UROD: variants seen among roughly 807,000 people sequenced by gnomAD.
UROD encodes uroporphyrinogen III decarboxylase.
Under a neutral mutation model 47.1 loss-of-function variants are expected in UROD, and 34 were observed. That is an observed-to-expected ratio of 0.72 (90% CI 0.55 to 0.96). UROD has a LOEUF of 0.96. Ranked by LOEUF, UROD falls within the 40% of genes least tolerant of loss-of-function variation. UROD has a pLI of 0.00. For synonymous variants in UROD, 148 were observed against 175.8 expected, an observed-to-expected ratio of 0.84 and a Z score of 1.25; for missense variants, 381 against 471.8, an observed-to-expected ratio of 0.81 and a Z score of 1.78.
At chr1:45,014,294 ATT>A (rs57055690) in intron 6 of UROD, 143 bp from the exon 7 acceptor site, 220 of 1,066,434 alleles carry the variant, frequency 2.1e-4, no homozygotes, top group African/African-American at 9.0e-4. Context: ...AGGAAAGTAA[ATT>A]TTTTTTTTTT....
rs1644835585 is a variant in UROD at position 45,014,811 on chromosome 1, T to C, written c.850T>C (p.Trp284Arg). 1 of 1,614,086 alleles carries C rather than the reference T, an allele frequency of 6.2e-7. No homozygotes were observed. The highest frequency in any genetic ancestry group is 8.5e-7 in the Non-Finnish European group (1 of 1,180,038). Residue 284 changes from tryptophan to arginine, a missense_variant, in exon 8 of 10, where the codon TGG becomes CGG. Trp to Arg is a moderately radical substitution (Grantham distance 101). Transcript: ENST00000246337. ...TGGCTATGAGGTGGTTGGGCTTGAC[T>C]GGACAGTGGCCCCAAAGAAAGCCCG... is the stretch of plus-strand genomic sequence containing the variant. ...QAGYEVVGLD[W>R]TVAPKKAREC...
chr1:45,015,033 C>T (rs748432502), intron 9 of UROD, 27 bp downstream of exon 9: 2 of 1,612,680 alleles, frequency 1.2e-6, no homozygotes, highest in Admixed American at 3.3e-5. Flanking sequence ...CTCTGTGTGT[C>T]TGTTACTGTG....
In UROD at chr1:45,013,240, A is replaced by T; in HGVS notation, c.213+25A>T. 1.2e-6 allele frequency: 2 copies of T among 1,614,176 alleles called. No individual in the cohort carries two copies. The highest frequency in any genetic ancestry group is 8.5e-7 in the Non-Finnish European group (1 of 1,180,028). The stretch of plus-strand genomic sequence containing the variant: ...GGTGAGGGGTCCACAAAAGAGGGAA[A>T]GATTTATGCCTTCAGTCTGCCACCT... On this transcript the variant is annotated intron_variant, in intron 3 of 9. Coordinates refer to ENST00000246337, the MANE Select transcript of UROD (RefSeq NM_000374.5). The surrounding 1 kb of genome is among the most constrained non-coding windows in gnomAD (Gnocchi z 4.2).
chr1:45,014,236 G>A, intron 6 of UROD, 166 bp downstream of exon 6: 2 of 1,284,280 alleles, frequency 1.6e-6, no homozygotes, highest in East Asian at 4.7e-5. Flanking sequence ...CTGACAGTGG[G>A]GCTTAATGCT....
At position 45,013,899 on chromosome 1, in the gene UROD, CCTT is replaced by C. The variant is rs761309390; in HGVS notation, c.475-7_475-5del. The C allele has an allele frequency of 1.1e-5, 17 of 1,614,092 alleles. No homozygotes were observed. In the African/African-American group the frequency reaches 1.1e-4, roughly 10 times the overall value. ...GGCTTCTGTGACACCATCTTTCTAT[CCTT>C]CTCTAGTGGACCCTGATGACATACA... On this transcript the variant is annotated splice_region_variant and splice_polypyrimidine_tract_variant and intron_variant, in intron 5 of 9. Transcript: ENST00000246337. The surrounding 1 kb of genome is among the most constrained non-coding windows in gnomAD (Gnocchi z 4.2).
At position 45,012,946 on chromosome 1, in the gene UROD, G is replaced by A; in HGVS notation, c.60G>A (p.Leu20=). 1 of 1,613,328 alleles carries A rather than the reference G, an allele frequency of 6.2e-7. No individual in the cohort carries two copies. Among genetic ancestry groups the A allele is most frequent in the South Asian group, 1.1e-5 (1 of 91,060 alleles). The change falls in exon 2 of 10, where the codon CTG becomes CTA. Residue 20 remains leucine (L), a synonymous_variant. Coordinates refer to ENST00000246337, the MANE Select transcript of UROD (RefSeq NM_000374.5). ...CGGAGCTGAAGAATGACACATTCCT[G>A]CGAGCAGCCTGGGGAGAGGAAACAG... is the stretch of plus-strand genomic sequence containing the variant. ...GFPELKNDTF[L]RAAWGEETDY...
At position 45,013,194 on chromosome 1, in the gene UROD, C is replaced by T. The variant is rs750512149; in HGVS notation, c.192C>T (p.Ala64=). 2 of 1,614,202 alleles carry T rather than the reference C, an allele frequency of 1.2e-6. No individual in the cohort carries two copies. Among genetic ancestry groups the T allele is most frequent in the Non-Finnish European group, 1.7e-6 (2 of 1,180,046 alleles). ...DFFSTCRSPE[A]CCELTLQPLR... ...TCAGCACGTGTCGCTCTCCTGAGGC[C>T]TGCTGTGAACTGACTCTGCAGGTGA... Residue 64 remains alanine, a synonymous_variant, in exon 3 of 10, where the codon GCC becomes GCT. Transcript: ENST00000246337. The surrounding 1 kb of genome is among the most constrained non-coding windows in gnomAD (Gnocchi z 4.2).
In UROD at chr1:45,013,412, A is replaced by G. The variant is rs759658963; in HGVS notation, c.276+58A>G. On this transcript the variant is annotated intron_variant, in intron 4 of 9. Coordinates refer to ENST00000246337, the MANE Select transcript of UROD (RefSeq NM_000374.5). This position sits in a 1 kb window ranked among gnomAD's most constrained non-coding sequence, Gnocchi z 4.2. ...CCAAGGACGCCTTGAAAATCCTTCTATCAGTCCAGTCAAGGTTTACAATAA... is the reference window on the plus strand; with the variant it reads ...CCAAGGACGCCTTGAAAATCCTTCTGTCAGTCCAGTCAAGGTTTACAATAA... 6.8e-6 allele frequency: 11 copies of G among 1,612,196 alleles called. No individual in the cohort carries two copies. Among genetic ancestry groups the G allele is most frequent in the African/African-American group, 6.7e-5 (5 of 74,900 alleles).
intron 7 of UROD, 22 bp downstream of exon 7, chr1:45,014,598 G>A: frequency 6.2e-7 from 1 of 1,614,126 alleles, no homozygotes; most frequent in Non-Finnish European, 8.5e-7. Context: ...GATGGGTTGA[G>A]TGAAGGTGGT....
In UROD at chr1:45,014,837, G is replaced by A; in HGVS notation, c.875+1G>A. Reference sequence around the variant, plus strand: ...GGACAGTGGCCCCAAAGAAAGCCCGGTAAGCCATGGAAGGGTGAGGCCTTG... The same window carrying A: ...GGACAGTGGCCCCAAAGAAAGCCCGATAAGCCATGGAAGGGTGAGGCCTTG... On this transcript the variant is annotated splice_donor_variant, in intron 8 of 9. Coordinates refer to ENST00000246337, the MANE Select transcript of UROD (RefSeq NM_000374.5). LOFTEE classifies it high-confidence loss of function. The A allele has an allele frequency of 1.2e-6, 2 of 1,614,240 alleles. No individual in the cohort carries two copies. Among genetic ancestry groups the A allele is most frequent in the South Asian group, 1.1e-5 (1 of 91,090 alleles).
chr1:45,013,961 A>G lies in UROD; in HGVS notation c.527A>G (p.Gln176Arg). 3 of 1,614,260 alleles carry G rather than the reference A, an allele frequency of 1.9e-6. No individual in the cohort carries two copies. Among genetic ancestry groups the G allele is most frequent in the Non-Finnish European group, 2.5e-6 (3 of 1,180,048 alleles). Residue 176 changes from glutamine to arginine, a missense_variant, in exon 6 of 10, where the codon CAG becomes CGG. Transcript: ENST00000246337. This position sits in a 1 kb window ranked among gnomAD's most constrained non-coding sequence, Gnocchi z 4.2. ...VEGGGSSTMAQAKRWLYQRPQ... is the reference protein window; with the variant it reads ...VEGGGSSTMARAKRWLYQRPQ... ...GGTGGTGGCTCAAGCACCATGGCTC[A>G]GGCCAAGCGCTGGCTCTATCAGAGA... is the stretch of plus-strand genomic sequence containing the variant.
At chr1:45,014,256 C>G in intron 6 of UROD, 183 bp from the exon 7 acceptor site, 1 of 1,295,188 alleles carries the variant, frequency 7.7e-7, no homozygotes, top group Non-Finnish European at 1.1e-6. Flanking sequence ...TCTAAGTATT[C>G]AGACACCAAA....
chr1:45,013,879 C>T lies in UROD; in HGVS notation c.475-30C>T. ...ACAAAAGGAAGGGTCAGTCTGGCTT[C>T]TGTGACACCATCTTTCTATCCTTCT... On this transcript the variant is annotated intron_variant, in intron 5 of 9. Transcript: ENST00000246337. This position sits in a 1 kb window ranked among gnomAD's most constrained non-coding sequence, Gnocchi z 4.2. The T allele has an allele frequency of 1.2e-6, 2 of 1,614,226 alleles. No homozygotes were observed. Among genetic ancestry groups the T allele is most frequent in the Non-Finnish European group, 1.7e-6 (2 of 1,180,048 alleles).
rs910781466 is a variant in UROD at position 45,013,518 on chromosome 1, C to T, written c.277-76C>T. 1 of 1,608,864 alleles carries T rather than the reference C, an allele frequency of 6.2e-7. No individual in the cohort carries two copies. On this transcript the variant is annotated intron_variant, in intron 4 of 9. Coordinates refer to ENST00000246337, the MANE Select transcript of UROD (RefSeq NM_000374.5). The surrounding 1 kb of genome is among the most constrained non-coding windows in gnomAD (Gnocchi z 4.2). ...GCAGAGTTTTATTCTCCTTTTCCTTCCTCCTGGAATGAGCTGAACAGAACC... is the reference window on the plus strand; with the variant it reads ...GCAGAGTTTTATTCTCCTTTTCCTTTCTCCTGGAATGAGCTGAACAGAACC...
chr1:45,015,047 T>C lies in UROD; in HGVS notation c.942+41T>C, dbSNP rs1279381504. On this transcript the variant is annotated intron_variant, in intron 9 of 9. Transcript: ENST00000246337. ...CCTCTGTGTGTCTGTTACTGTGCAC[T>C]CCTGTGGCTGTGGCTGTATTATTCT... The C allele has an allele frequency of 1.9e-6, 3 of 1,611,612 alleles. No individual in the cohort carries two copies. In the East Asian group the frequency reaches 6.7e-5, roughly 36 times the overall value.
At chr1:45,015,270 C>T (rs1250406982) in intron 9 of UROD, 67 bp from the exon 10 acceptor site, 8 of 1,594,228 alleles carry the variant, frequency 5.0e-6, no homozygotes, top group Non-Finnish European at 6.0e-6. Flanking sequence ...GCGTTTGTCA[C>T]TAGTATATAT....
Position 45,013,000 on chromosome 1 carries a change from G to A in UROD, c.114G>A (p.Gln38=). 3 of 1,614,110 alleles carry A rather than the reference G, an allele frequency of 1.9e-6. No individual in the cohort carries two copies. Among genetic ancestry groups the A allele is most frequent in the Non-Finnish European group, 2.5e-6 (3 of 1,180,028 alleles). ...ACACTCCCGTTTGGTGCATGCGCCA[G>A]GCAGGCCGTTACTTACCAGGTAAGA... is the stretch of plus-strand genomic sequence containing the variant. ...TDYTPVWCMR[Q]AGRYLPEFRE... Residue 38 remains glutamine, a synonymous_variant, in exon 2 of 10, where the codon CAG becomes CAA. Coordinates refer to ENST00000246337, the MANE Select transcript of UROD (RefSeq NM_000374.5).
At position 45,013,901 on chromosome 1, in the gene UROD, T is replaced by G; in HGVS notation, c.475-8T>G. The G allele has an allele frequency of 1.2e-6, 2 of 1,614,180 alleles. No homozygotes were observed. The highest frequency in any genetic ancestry group is 1.7e-5 in the Admixed American group (1 of 60,010). On this transcript the variant is annotated splice_polypyrimidine_tract_variant and splice_region_variant and intron_variant, in intron 5 of 9. Coordinates refer to ENST00000246337, the MANE Select transcript of UROD (RefSeq NM_000374.5). The surrounding 1 kb of genome is among the most constrained non-coding windows in gnomAD (Gnocchi z 4.2). ...CTTCTGTGACACCATCTTTCTATCC[T>G]TCTCTAGTGGACCCTGATGACATAC...
rs1644819172 is a variant in UROD, at chr1:45,013,192, G to A, written c.190G>A (p.Ala64Thr). Reference protein sequence around the residue: ...DFFSTCRSPEACCELTLQPLR... With the variant: ...DFFSTCRSPETCCELTLQPLR... ...TTTCAGCACGTGTCGCTCTCCTGAG[G>A]CCTGCTGTGAACTGACTCTGCAGGT... is the stretch of plus-strand genomic sequence containing the variant. Residue 64 changes from alanine (A) to threonine (T), a missense_variant, in exon 3 of 10, where the codon GCC becomes ACC. Transcript: ENST00000246337. This position sits in a 1 kb window ranked among gnomAD's most constrained non-coding sequence, Gnocchi z 4.2. 1 of 1,614,220 alleles carries A rather than the reference G, an allele frequency of 6.2e-7. No homozygotes were observed. Among genetic ancestry groups the A allele is most frequent in the South Asian group, 1.1e-5 (1 of 91,086 alleles).
Sources: allele counts gnomAD v4.1 joint callset, GRCh38; gene constraint gnomAD v4.1.1; non-coding constraint Gnocchi (gnomAD v3.1); transcripts MANE v1.5; gene names NCBI Gene and HGNC (gene_info 2026-07-23, HGNC 2026-07-21).